IFNAR1: variants seen among roughly 807,000 people sequenced by gnomAD.
IFNAR1 encodes the protein interferon alpha/beta receptor 1.
A neutral mutation model predicts 62.1 loss-of-function variants in IFNAR1; 47 were observed. The ratio of observed to expected loss-of-function variants is 0.76; its 90% CI spans 0.60 to 0.97. IFNAR1 has a LOEUF of 0.97. Ranked by LOEUF, IFNAR1 falls within the 50% of genes least tolerant of loss-of-function variation. The pLI, the probability that IFNAR1 is intolerant of heterozygous loss-of-function variation, is 0.00. For missense variants in IFNAR1, 638 were observed against 654.5 expected, an observed-to-expected ratio of 0.97 and a Z score of 0.27; for synonymous variants, 219 against 226.9, an observed-to-expected ratio of 0.97 and a Z score of 0.31.
rs780192570 is a variant in IFNAR1, at chr21:33,352,831, C to G, written c.1217C>G (p.Ala406Gly). 1.2e-6 allele frequency: 2 copies of G among 1,603,548 alleles called. No homozygotes were observed. The highest frequency in any genetic ancestry group is 1.7e-6 in the Non-Finnish European group (2 of 1,172,300). Residue 406 changes from alanine to glycine, a missense_variant, in exon 9 of 11, where the codon GCC (alanine) becomes GGC (glycine). Ala to Gly is a moderately conservative substitution (Grantham distance 60, BLOSUM62 0). Transcript: ENST00000270139. ...CCACTGACTGTATATTGTGTGAAAGCCAGAGCACACACCATGGATGAAAAG... is the reference window on the plus strand; with the variant it reads ...CCACTGACTGTATATTGTGTGAAAGGCAGAGCACACACCATGGATGAAAAG... ...LKPLTVYCVKARAHTMDEKLN... is the reference protein window; with the variant it reads ...LKPLTVYCVKGRAHTMDEKLN...
Position 33,358,351 on chromosome 21 carries a change from A to G in IFNAR1, c.*2802A>G, listed in dbSNP as rs956388431. 6.6e-6 allele frequency: 1 copy of G among 151,920 alleles called. No individual in the cohort carries two copies. Among genetic ancestry groups the G allele is most frequent in the Non-Finnish European group, 1.5e-5 (1 of 68,002 alleles). 9.4% of individuals were successfully genotyped at this position (151,920 alleles called of 1,614,324 possible). ...AAATACCATGCACTTGGGGGTACCA[A>G]TTAACCGCCTGAAAATTAGCATATT... On this transcript the variant is annotated 3_prime_UTR_variant, in exon 11 of 11. Transcript: ENST00000270139.
rs768983342 is a variant in IFNAR1, at chr21:33,343,573, T to A, written c.570T>A (p.Tyr190Ter). The change falls in exon 5 of 11, where the codon TAT becomes TAA. Residue 190 changes from tyrosine to a stop codon, truncating the protein, a stop_gained. Coordinates refer to ENST00000270139, the MANE Select transcript of IFNAR1 (RefSeq NM_000629.3). LOFTEE classifies it high-confidence loss of function. Reference protein sequence around the residue: ...IENIYSRHKIYKLSPETTYCL... With the variant: ...IENIYSRHKI ...ATATTTATTCCAGACATAAAATTTA[T>A]AAACTCTCACCAGAGACTACTTATT... The A allele has an allele frequency of 6.4e-7, 1 of 1,551,790 alleles. No individual in the cohort carries two copies. The highest frequency in any genetic ancestry group is 8.9e-7 in the Non-Finnish European group (1 of 1,125,622).
At chr21:33,325,399 A>C (rs2083117448) in intron 1 of IFNAR1, among the ~76,000 whole-genome samples, 1 of 152,076 alleles carries the variant, frequency 6.6e-6, no homozygotes, top group Non-Finnish European at 1.5e-5. Flanking sequence ...GCGGTGCCAG[A>C]GCTTTGTGTC....
chr21:33,350,882 G>A (rs1023680916), intron 8 of IFNAR1, among the ~76,000 whole-genome samples: 2 of 152,160 alleles, frequency 1.3e-5, no homozygotes, highest in African/African-American at 2.4e-5. Flanking sequence ...CCTTACGTAC[G>A]CAGGGTGCTT....
chr21:33,344,150 G>T (rs1443906561), intron 5 of IFNAR1, among the ~76,000 whole-genome samples: 2 of 149,338 alleles, frequency 1.3e-5, no homozygotes, highest in African/African-American at 4.9e-5. Context: ...AAAGAGTAAG[G>T]CTCCGTCTTA....
chr21:33,344,452 C>G (rs1415027215), intron 5 of IFNAR1, among the ~76,000 whole-genome samples: 1 of 147,438 alleles, frequency 6.8e-6, no homozygotes, highest in African/African-American at 2.5e-5. Context: ...TTTTTTTAAT[C>G]AAACATTACG....
Position 33,352,851 on chromosome 21 carries a change from GA to G in IFNAR1, c.1241del (p.Lys414SerfsTer2). 2 of 1,605,160 alleles carry G rather than the reference GA, an allele frequency of 1.2e-6. No homozygotes were observed. Among genetic ancestry groups the G allele is most frequent in the Non-Finnish European group, 1.7e-6 (2 of 1,173,710 alleles). On this transcript the variant is annotated frameshift_variant, in exon 9 of 11. Coordinates refer to ENST00000270139, the MANE Select transcript of IFNAR1 (RefSeq NM_000629.3). LOFTEE classifies it high-confidence loss of function. ...CVKARAHTMD[E>X]KLNKSSVFSD... Reference sequence around the variant, plus strand: ...GAAAGCCAGAGCACACACCATGGATGAAAAGCTGAATAAAAGCAGTGTTTTT... The same window carrying G: ...GAAAGCCAGAGCACACACCATGGATGAAAGCTGAATAAAAGCAGTGTTTTT...
Position 33,345,248 on chromosome 21 carries a change from G to A in IFNAR1, c.676G>A (p.Glu226Lys). The part of the protein sequence containing the change: ...SPVHCIKTTV[E>K]NELPPPENIE... ...TTTATCTGTTCTTTGGCTTCTAGTT[G>A]AAAATGAACTACCTCCACCAGAAAA... Residue 226 changes from glutamate (E) to lysine (K), a missense_variant and splice_region_variant, in exon 6 of 11, where the codon GAA becomes AAA. Physicochemically the swap from Glu to Lys is moderately conservative, Grantham distance 56. Transcript: ENST00000270139. The A allele has an allele frequency of 6.6e-7, 1 of 1,506,474 alleles. No homozygotes were observed. Among genetic ancestry groups the A allele is most frequent in the African/African-American group, 1.4e-5 (1 of 72,480 alleles). 93.3% of individuals were successfully genotyped at this position (1,506,474 alleles called of 1,614,324 possible).
chr21:33,328,725 A>G (rs2083150164), intron 1 of IFNAR1, among the ~76,000 whole-genome samples: 1 of 152,198 alleles, frequency 6.6e-6, no homozygotes. Context: ...TTGTACAGAT[A>G]TCTATATTTG....
intron 1 of IFNAR1, among the ~76,000 whole-genome samples, chr21:33,328,102 T>C (rs2154431): frequency 0.021 from 3,198 of 152,252 alleles, 124 homozygotes; most frequent in African/African-American, 0.074. Flanking sequence ...GGGGTTTTTG[T>C]TTTGTTTGTT....
At chr21:33,334,663 C>T (rs2083215973) in intron 1 of IFNAR1, 1 of 791,326 alleles carries the variant, frequency 1.3e-6, no homozygotes, top group Non-Finnish European at 2.2e-6. Flanking sequence ...GGGGAAGACC[C>T]AGCCAGTGGG....
chr21:33,335,708 A>G (rs897324412), intron 2 of IFNAR1, 61 bp downstream of exon 2: 9 of 1,286,262 alleles, frequency 7.0e-6, no homozygotes, highest in Non-Finnish European at 9.4e-6. Context: ...AAGTTTAACA[A>G]CACCATAATT....
At position 33,358,233 on chromosome 21, in the gene IFNAR1, C is replaced by T. The variant is rs1487122117; in HGVS notation, c.*2684C>T. ...TCTTCTAGACATGAAAAGGCAGTTG[C>T]ATTCCACTCTGCATTATGTTCTACA... On this transcript the variant is annotated 3_prime_UTR_variant, in exon 11 of 11. Transcript: ENST00000270139. 1.3e-5 allele frequency: 2 copies of T among 152,200 alleles called. No individual in the cohort carries two copies. The highest frequency in any genetic ancestry group is 4.8e-5 in the African/African-American group (2 of 41,454). The allele number at this position is 152,200 out of a possible 1,614,324, so 9.4% of individuals were successfully genotyped here.
Position 33,349,260 on chromosome 21 carries a change from G to A in IFNAR1, c.958G>A (p.Glu320Lys). 2.5e-6 allele frequency: 4 copies of A among 1,610,142 alleles called. No homozygotes were observed. The African/African-American group carries it at 5.3e-5, about 21-fold the overall frequency. ...TGGAAATAACACATCTTTTTGGTCT[G>A]AAGAGATAAAGTTTGATACTGAAAT... Reference protein sequence around the residue: ...SDGNNTSFWSEEIKFDTEIQA... With the variant: ...SDGNNTSFWSKEIKFDTEIQA... Residue 320 changes from glutamate to lysine, a missense_variant, in exon 7 of 11, where the codon GAA becomes AAA. Glu to Lys is a moderately conservative substitution (Grantham distance 56, BLOSUM62 1). Coordinates refer to ENST00000270139, the MANE Select transcript of IFNAR1 (RefSeq NM_000629.3).
Position 33,353,651 on chromosome 21 carries a change from A to G in IFNAR1, c.1308A>G (p.Lys436=). The change falls in exon 10 of 11, where the codon AAA becomes AAG. Residue 436 remains lysine, a synonymous_variant. Coordinates refer to ENST00000270139, the MANE Select transcript of IFNAR1 (RefSeq NM_000629.3). ...CEKTKPGNTS[K]IWLIVGICIA... The stretch of plus-strand genomic sequence containing the variant: ...ATATCTTTTTAGGAAATACCTCTAA[A>G]ATTTGGCTTATAGTTGGAATTTGTA... 1 of 1,551,514 alleles carries G rather than the reference A, an allele frequency of 6.4e-7. No homozygotes were observed. Among genetic ancestry groups the G allele is most frequent in the South Asian group, 1.2e-5 (1 of 83,360 alleles).
intron 2 of IFNAR1, among the ~76,000 whole-genome samples, chr21:33,337,559 T>C (rs946318917): frequency 6.6e-6 from 1 of 152,174 alleles, no homozygotes; most frequent in South Asian, 2.1e-4. Flanking sequence ...TAACTAAAAC[T>C]GGCATATGAA....
At chr21:33,328,231 C>T (rs1568924771) in intron 1 of IFNAR1, among the ~76,000 whole-genome samples, 1 of 152,112 alleles carries the variant, frequency 6.6e-6, no homozygotes. Flanking sequence ...AGAGTGGACA[C>T]CCTTGATGCA....
At chr21:33,333,684 C>T (rs1397283830) in intron 1 of IFNAR1, among the ~76,000 whole-genome samples, 8 of 139,660 alleles carry the variant, frequency 5.7e-5, no homozygotes, top group African/African-American at 2.2e-4. Context: ...AGTGCAGTGG[C>T]GCGATCTCGG....
chr21:33,349,278 A>T lies in IFNAR1; in HGVS notation c.976A>T (p.Thr326Ser), dbSNP rs747093556. 2 of 1,603,298 alleles carry T rather than the reference A, an allele frequency of 1.2e-6. No individual in the cohort carries two copies. The highest frequency in any genetic ancestry group is 1.7e-6 in the Non-Finnish European group (2 of 1,172,714). ...SFWSEEIKFD[T>S]EIQAFLLPPV... ...TTGGTCTGAAGAGATAAAGTTTGAT[A>T]CTGAAATACAAGGTAAGGCAGTAGT... Residue 326 changes from threonine to serine, a missense_variant, in exon 7 of 11, where the codon ACT becomes TCT. Coordinates refer to ENST00000270139, the MANE Select transcript of IFNAR1 (RefSeq NM_000629.3).
Sources: allele counts gnomAD v4.1 joint callset (sites outside exome capture counted in the v4.1 genomes callset), GRCh38; gene constraint gnomAD v4.1.1; transcripts MANE v1.5; gene names NCBI Gene and HGNC (gene_info 2026-07-23, HGNC 2026-07-21).